ST3GAL2: variants seen among roughly 807,000 people sequenced by gnomAD.
ST3GAL2 encodes the protein CMP-N-acetylneuraminate-beta-galactosamide-alpha-2,3-sialyltransferase 2.
Under a neutral mutation model 37.5 loss-of-function variants are expected in ST3GAL2, and 16 were observed. The observed-to-expected ratio is 0.43, with a 90% CI of 0.29 to 0.65. The LOEUF (loss-of-function observed/expected upper bound fraction) is 0.65, where lower values mean the gene tolerates loss of function less well. Among genes scored for constraint, ST3GAL2 ranks in the 30% least tolerant of loss-of-function variants. The pLI, the probability that ST3GAL2 is intolerant of heterozygous loss-of-function variation, is 0.17. For synonymous variants in ST3GAL2, 238 were observed against 202.9 expected (o/e 1.17, Z -1.47); for missense variants, 383 against 487.8 (o/e 0.79, Z 2.02).
chr16:70,405,140 C>T (rs1236298846), intron 1 of ST3GAL2, among the ~76,000 whole-genome samples: 1 of 151,270 alleles, frequency 6.6e-6, no homozygotes, highest in African/African-American at 2.4e-5. Context: ...CATAAATAAA[C>T]AAAATGTGGT....
At chr16:70,431,985 A>ATATTTTTT (rs1454729972) in intron 1 of ST3GAL2, among the ~76,000 whole-genome samples, 4 of 139,054 alleles carry the variant, frequency 2.9e-5, no homozygotes, top group African/African-American at 9.6e-5. Flanking sequence ...ATATATATAT[A>ATATTTTTT]TTTTTTTTTA....
chr16:70,437,995 T>C (rs1396276584), intron 1 of ST3GAL2, among the ~76,000 whole-genome samples: 2 of 152,114 alleles, frequency 1.3e-5, no homozygotes, highest in African/African-American at 4.8e-5. Context: ...AGCCCCTTTC[T>C]CCAACACCAC....
Position 70,398,320 on chromosome 16 carries a change from C to A in ST3GAL2, c.211G>T (p.Ala71Ser). Residue 71 changes from alanine (A) to serine (S), a missense_variant, in exon 2 of 7, where the codon GCC (alanine) becomes TCC (serine). By Grantham distance (99) the Ala-to-Ser change is moderately conservative. Transcript: ENST00000342907. ...GCATCGCCCATGCAGCGGCGACAGG[C>A]ACAGCTCTTGCCCGAGAGCCTCTCC... ...SKERLSGKSC[A>S]CRRCMGDAGA... The A allele has an allele frequency of 6.2e-7, 1 of 1,613,448 alleles. No individual in the cohort carries two copies. The highest frequency in any genetic ancestry group is 8.5e-7 in the Non-Finnish European group (1 of 1,180,040).
chr16:70,422,041 C>T (rs531457213), intron 1 of ST3GAL2, among the ~76,000 whole-genome samples: 6 of 152,162 alleles, frequency 3.9e-5, no homozygotes, highest in Admixed American at 1.3e-4. Context: ...GCTGGAATTA[C>T]GGGCCTGAGC....
At chr16:70,417,305 C>A (rs1597571833) in intron 1 of ST3GAL2, among the ~76,000 whole-genome samples, 1 of 151,680 alleles carries the variant, frequency 6.6e-6, no homozygotes, top group African/African-American at 2.4e-5. Flanking sequence ...CCCCACCCCA[C>A]CTTCCCAGCC....
rs1025743744 is a variant in ST3GAL2, at chr16:70,378,180, A to T, written c.*3509T>A. 1 of 152,044 alleles carries T rather than the reference A, an allele frequency of 6.6e-6. No homozygotes were observed. Among genetic ancestry groups the T allele is most frequent in the African/African-American group, 2.4e-5 (1 of 41,400 alleles). 9.4% of individuals were successfully genotyped at this position (152,044 alleles called of 1,614,324 possible). A position where few individuals can be genotyped will look rare whatever the true frequency, so the allele number is the denominator to read the frequency against. ...GGTGTGGTCAAACATTGGGAGGCCA[A>T]AGGGGGTGGATGACCTGTGGTCAGG... is the stretch of plus-strand genomic sequence containing the variant. On this transcript the variant is annotated 3_prime_UTR_variant, in exon 7 of 7. Coordinates refer to ENST00000342907, the MANE Select transcript of ST3GAL2 (RefSeq NM_006927.4).
rs1219521851 is a variant in ST3GAL2, at chr16:70,380,758, G to C, written c.*931C>G. On this transcript the variant is annotated 3_prime_UTR_variant, in exon 7 of 7. Coordinates refer to ENST00000342907, the MANE Select transcript of ST3GAL2 (RefSeq NM_006927.4). ...GCAAGAGGCGATGGGTGGAGGAGGA[G>C]GTACATGCAGCGGGCAGCCGGGCCC... The C allele has an allele frequency of 6.5e-6, 1 of 152,854 alleles. No individual in the cohort carries two copies. Among genetic ancestry groups the C allele is most frequent in the African/African-American group, 2.4e-5 (1 of 41,498 alleles). The allele number at this position is 152,854 out of a possible 1,614,324, so 9.5% of individuals were successfully genotyped here. A position where few individuals can be genotyped will look rare whatever the true frequency, so the allele number is the denominator to read the frequency against.
chr16:70,426,194 T>TG (rs1336421927), intron 1 of ST3GAL2, among the ~76,000 whole-genome samples: 251 of 143,548 alleles, frequency 1.7e-3, no homozygotes, highest in African/African-American at 5.8e-3. Context: ...TTTTTTTTTT[T>TG]TTTTTTTTTT....
intron 1 of ST3GAL2, among the ~76,000 whole-genome samples, chr16:70,404,496 T>C (rs987824504): frequency 6.6e-6 from 1 of 152,044 alleles, no homozygotes; most frequent in African/African-American, 2.4e-5. Context: ...CACAATCAGA[T>C]ACCACTTCCT....
intron 6 of ST3GAL2, 28 bp from the exon 7 acceptor site, chr16:70,381,890 C>G: frequency 1.2e-6 from 2 of 1,610,388 alleles, no homozygotes; most frequent in Non-Finnish European, 1.7e-6. Context: ...GGAGCGTCAC[C>G]CCAGGCGGGG....
At chr16:70,420,405 CA>C (rs2151674613) in intron 1 of ST3GAL2, among the ~76,000 whole-genome samples, 1 of 152,326 alleles carries the variant, frequency 6.6e-6, no homozygotes, top group South Asian at 2.1e-4. Context: ...CTCCCTCCGC[CA>C]CCACAGCCAA....
intron 1 of ST3GAL2, among the ~76,000 whole-genome samples, chr16:70,423,562 T>C (rs1247579653): frequency 2.6e-5 from 4 of 152,066 alleles, no homozygotes; most frequent in Non-Finnish European, 4.4e-5. Context: ...GCCCCCTGCC[T>C]GCAATTCAGA....
chr16:70,430,035 T>C (rs1393928125), intron 1 of ST3GAL2, among the ~76,000 whole-genome samples: 2 of 152,204 alleles, frequency 1.3e-5, no homozygotes, highest in African/African-American at 2.4e-5. Flanking sequence ...TGCACCCTCA[T>C]GCCCCCTGAG....
At chr16:70,402,986 C>A (rs955936285) in intron 1 of ST3GAL2, among the ~76,000 whole-genome samples, 3 of 152,320 alleles carry the variant, frequency 2.0e-5, no homozygotes, top group Admixed American at 6.5e-5. Flanking sequence ...GTAAAGAGCA[C>A]AAATACGATA....
At position 70,378,533 on chromosome 16, in the gene ST3GAL2, T is replaced by G. The variant is rs1240037038; in HGVS notation, c.*3156A>C. ...TCCTGGCTAACAGTGAAACCCCGTC[T>G]CTACTAAAAATACAAAAAAACTGCC... On this transcript the variant is annotated 3_prime_UTR_variant, in exon 7 of 7. Transcript: ENST00000342907. 2 of 140,810 alleles carry G rather than the reference T, an allele frequency of 1.4e-5. No individual in the cohort carries two copies. Among genetic ancestry groups the G allele is most frequent in the East Asian group, 4.4e-4 (2 of 4,596 alleles). 8.7% of individuals were successfully genotyped at this position (140,810 alleles called of 1,614,324 possible).
At chr16:70,432,519 T>C (rs1038853416) in intron 1 of ST3GAL2, among the ~76,000 whole-genome samples, 2 of 152,094 alleles carry the variant, frequency 1.3e-5, no homozygotes. Context: ...TGACAATATG[T>C]TGTAACTACA....
chr16:70,411,384 TA>T (rs61364237), intron 1 of ST3GAL2, among the ~76,000 whole-genome samples: 6,106 of 129,796 alleles, frequency 0.047, 363 homozygotes, highest in African/African-American at 0.15. Flanking sequence ...CAATAAAAAA[TA>T]AAAAAAAAAA....
intron 1 of ST3GAL2, among the ~76,000 whole-genome samples, chr16:70,406,911 A>T (rs1160703026): frequency 2.0e-5 from 3 of 152,190 alleles, no homozygotes; most frequent in Admixed American, 6.5e-5. Flanking sequence ...AGGAAAAAGA[A>T]GTGAACAGAG....
At chr16:70,426,604 C>G (rs1234327341) in intron 1 of ST3GAL2, among the ~76,000 whole-genome samples, 2 of 151,734 alleles carry the variant, frequency 1.3e-5, no homozygotes, top group Admixed American at 6.6e-5. Flanking sequence ...CTCTGCCTCC[C>G]GGGTTCAAGC....
Sources: allele counts gnomAD v4.1 joint callset (sites outside exome capture counted in the v4.1 genomes callset), GRCh38; gene constraint gnomAD v4.1.1; transcripts MANE v1.5; gene names NCBI Gene and HGNC (gene_info 2026-07-23, HGNC 2026-07-21).